TRIM34: variants seen among roughly 807,000 people sequenced by gnomAD.
TRIM34 encodes tripartite motif containing 34.
TRIM34 carries 41 observed loss-of-function variants against 38.1 expected under a neutral mutation model. The ratio of observed to expected loss-of-function variants is 1.08; its 90% CI spans 0.84 to 1.40. The LOEUF is 1.40. TRIM34 is among the 40% of genes most tolerant of loss of function. The pLI is 0.00. For synonymous variants in TRIM34, 200 were observed against 202.5 expected (o/e 0.99, Z 0.10); for missense variants, 556 against 571.4 (o/e 0.97, Z 0.27).
rs753006180 is a variant in TRIM34 at position 5,634,733 on chromosome 11, GAAGAA to G, written c.628_632del (p.Lys210AspfsTer4). The G allele has an allele frequency of 6.8e-5, 110 of 1,613,980 alleles. No individual in the cohort carries two copies. Among genetic ancestry groups the G allele is most frequent in the Non-Finnish European group, 8.8e-5 (104 of 1,180,004 alleles). ...GAGAGAGCTGCAAAGATTGGAAGAA[GAAGAA>G]AAGAAGACGCTGGATAAGTTTGCAG... On this transcript the variant is annotated frameshift_variant, in exon 4 of 8. Coordinates refer to ENST00000429814, the MANE Select transcript of TRIM34 (RefSeq NM_021616.6). LOFTEE classifies it high-confidence loss of function.
At chr11:5,629,596 G>T (rs1400599919) in intron 1 of TRIM34, among the ~76,000 whole-genome samples, 1 of 152,184 alleles carries the variant, frequency 6.6e-6, no homozygotes, top group Non-Finnish European at 1.5e-5. Context: ...ATAATTGCAG[G>T]TTTGTTTTGC....
At chr11:5,640,404 A>G (rs766236815) in intron 4 of TRIM34, among the ~76,000 whole-genome samples, 3 of 151,418 alleles carry the variant, frequency 2.0e-5, no homozygotes, top group Non-Finnish European at 4.4e-5. Context: ...TGTGGTTTTC[A>G]TCCTTTATTT....
upstream of TRIM34, among the ~76,000 whole-genome samples, chr11:5,622,752 A>T (rs1849038233): frequency 6.6e-6 from 1 of 152,238 alleles, no homozygotes; most frequent in Admixed American, 6.5e-5. Flanking sequence ...TGCTTTAACA[A>T]ATCTGTCTGA....
chr11:5,642,629 T>C, intron 6 of TRIM34, 123 bp downstream of exon 6: 1 of 1,407,090 alleles, frequency 7.1e-7, no homozygotes, highest in South Asian at 1.4e-5. Context: ...GAATAAGGAA[T>C]ATTCTGTGGT....
intron 1 of TRIM34, among the ~76,000 whole-genome samples, chr11:5,627,514 T>C (rs745423226): frequency 6.6e-6 from 1 of 152,234 alleles, no homozygotes; most frequent in Non-Finnish European, 1.5e-5. Context: ...TCTTTCAGCA[T>C]ATTCTCACGA....
In TRIM34 at chr11:5,634,626, T is replaced by C. The variant is rs1849645169; in HGVS notation, c.520-5T>C. ...ACTACAACTCTCTCTTGTCCATCCT[T>C]GCAGTATCAGGTACAAACTGAGAGA... On this transcript the variant is annotated splice_region_variant and splice_polypyrimidine_tract_variant and intron_variant, in intron 3 of 7. Coordinates refer to ENST00000429814, the MANE Select transcript of TRIM34 (RefSeq NM_021616.6). The C allele has an allele frequency of 2.5e-6, 4 of 1,608,786 alleles. No homozygotes were observed. Among genetic ancestry groups the C allele is most frequent in the Non-Finnish European group, 3.4e-6 (4 of 1,176,916 alleles).
intron 1 of TRIM34, among the ~76,000 whole-genome samples, chr11:5,629,694 C>A (rs1019439886): frequency 6.6e-6 from 1 of 152,190 alleles, no homozygotes; most frequent in Admixed American, 6.5e-5. Context: ...GTGAGCTCTC[C>A]GTGAGGATTC....
intron 4 of TRIM34, among the ~76,000 whole-genome samples, chr11:5,637,204 G>A (rs1014682492): frequency 6.6e-6 from 1 of 152,124 alleles, no homozygotes; most frequent in Non-Finnish European, 1.5e-5. Context: ...TGTATTTGTG[G>A]TATGTCTCCT....
chr11:5,642,882 T>C (rs750517587), intron 7 of TRIM34, 39 bp downstream of exon 7: 2 of 1,612,788 alleles, frequency 1.2e-6, no homozygotes, highest in South Asian at 2.2e-5. Context: ...GTTTTCCAAT[T>C]ACCTTTCAGA....
chr11:5,642,944 A>T (rs1850080664), intron 7 of TRIM34, 101 bp downstream of exon 7: 1 of 1,502,662 alleles, frequency 6.7e-7, no homozygotes, highest in Non-Finnish European at 9.0e-7. Flanking sequence ...CATTCTCAGC[A>T]CCTCCCAAAA....
chr11:5,633,211 T>C (rs1849568190), intron 2 of TRIM34, among the ~76,000 whole-genome samples: 1 of 148,214 alleles, frequency 6.7e-6, no homozygotes, highest in Non-Finnish European at 1.5e-5. Context: ...GCGGACTGAG[T>C]CTGAAAAAGG....
intron 4 of TRIM34, among the ~76,000 whole-genome samples, chr11:5,640,162 T>C (rs1849944557): frequency 6.6e-6 from 1 of 152,202 alleles, no homozygotes; most frequent in Non-Finnish European, 1.5e-5. Flanking sequence ...CCATGTTAAA[T>C]AGAAGTAGTG....
chr11:5,643,246 A>C lies in TRIM34; in HGVS notation c.1004A>C (p.Asn335Thr). 6.2e-7 allele frequency: 1 copy of C among 1,613,942 alleles called. No homozygotes were observed. The highest frequency in any genetic ancestry group is 8.5e-7 in the Non-Finnish European group (1 of 1,179,990). The stretch of plus-strand genomic sequence containing the variant: ...CCAATTTGGCCTTTTCAGTGTTATA[A>C]TTATGGTGTCTTGGGATCCCAATAT... ...SVPIWPFQCY[N>T]YGVLGSQYFS... Residue 335 changes from asparagine to threonine, a missense_variant, in exon 8 of 8, where the codon AAT (asparagine) becomes ACT (threonine). Physicochemically the swap from Asn to Thr is moderately conservative, Grantham distance 65. Transcript: ENST00000429814.
chr11:5,635,466 C>T (rs967588634), intron 4 of TRIM34, among the ~76,000 whole-genome samples: 8 of 151,986 alleles, frequency 5.3e-5, no homozygotes, highest in African/African-American at 1.2e-4. Flanking sequence ...CCGTGCTAGC[C>T]AGTATGGTAT....
upstream of TRIM34, among the ~76,000 whole-genome samples, chr11:5,620,756 G>T (rs1331153754): frequency 6.6e-6 from 1 of 152,162 alleles, no homozygotes; most frequent in Non-Finnish European, 1.5e-5. Context: ...TCTTCCTCCA[G>T]ATTAGCTTCT....
chr11:5,641,690 C>T (rs970447883), intron 5 of TRIM34, among the ~76,000 whole-genome samples: 1 of 152,158 alleles, frequency 6.6e-6, no homozygotes, highest in Non-Finnish European at 1.5e-5. Context: ...GTAGCTGTGA[C>T]TCTGGTGATG....
intron 1 of TRIM34, among the ~76,000 whole-genome samples, chr11:5,630,766 T>C (rs1390240763): frequency 6.6e-6 from 1 of 152,248 alleles, no homozygotes; most frequent in Non-Finnish European, 1.5e-5. Flanking sequence ...TTTTTACACC[T>C]ACCATTTTAC....
At chr11:5,643,068 T>A in intron 7 of TRIM34, 76 bp from the exon 8 acceptor site, 4 of 1,281,928 alleles carry the variant, frequency 3.1e-6, no homozygotes, top group Non-Finnish European at 4.1e-6. Flanking sequence ...CTACTCCATA[T>A]CTGTCACCTA....
At chr11:5,623,032 T>C (rs1207031267), upstream of TRIM34, among the ~76,000 whole-genome samples, 3 of 150,290 alleles carry the variant, frequency 2.0e-5, no homozygotes, top group South Asian at 6.2e-4. Flanking sequence ...CATTAAGCAA[T>C]AGGGCAAAGG....
Sources: allele counts gnomAD v4.1 joint callset (sites outside exome capture counted in the v4.1 genomes callset), GRCh38; gene constraint gnomAD v4.1.1; transcripts MANE v1.5; gene names NCBI Gene and HGNC (gene_info 2026-07-23, HGNC 2026-07-21).